Variants in PKN2 observed in about 807,000 individuals in gnomAD.
PKN2 encodes protein kinase N2.
PKN2 carries 38 observed loss-of-function variants against 119.1 expected under a neutral mutation model. The observed-to-expected ratio is 0.32, with a 90% CI of 0.25 to 0.42. PKN2 has a LOEUF of 0.42. Ranked by LOEUF, PKN2 falls within the 10% of genes least tolerant of loss-of-function variation. The pLI is 1.00. For synonymous variants in PKN2, 390 were observed against 384.9 expected, an observed-to-expected ratio of 1.01 and a Z score of -0.15; for missense variants, 850 against 1,165.1, an observed-to-expected ratio of 0.73 and a Z score of 3.94.
At position 88,763,429 on chromosome 1, in the gene PKN2, G is replaced by T. The variant is rs558909191; in HGVS notation, c.504+3053G>T. Among the ~76,000 whole-genome samples the T allele has an allele frequency of 2.8e-4, 43 of 152,170 alleles. No homozygotes were observed. The South Asian group carries it at 8.7e-3, about 31-fold the overall frequency. On this transcript the variant is annotated intron_variant, in intron 3 of 21. Transcript: ENST00000370521. ...TAGAGACCAGCCTGACCAACATGGA[G>T]AAATCCTGTCTCTACTAAAAATACA...
At chr1:88,754,389 A>G (rs905356465) in intron 2 of PKN2, among the ~76,000 whole-genome samples, 6 of 152,204 alleles carry the variant, frequency 3.9e-5, no homozygotes, top group African/African-American at 1.4e-4. Context: ...TTATAGTCGC[A>G]GAGGAAAAAC....
chr1:88,717,581 A>C (rs958161923), intron 1 of PKN2, among the ~76,000 whole-genome samples: 1 of 151,718 alleles, frequency 6.6e-6, no homozygotes, highest in East Asian at 1.9e-4. Flanking sequence ...TGCTTGATCG[A>C]ATCGGCTACT....
At chr1:88,688,380 C>T (rs1046032379) in intron 1 of PKN2, among the ~76,000 whole-genome samples, 1 of 152,100 alleles carries the variant, frequency 6.6e-6, no homozygotes, top group African/African-American at 2.4e-5. Flanking sequence ...CCACCATGCC[C>T]GGCGCCACTA....
chr1:88,798,306 T>C (rs1053985390), intron 8 of PKN2, among the ~76,000 whole-genome samples: 5 of 151,750 alleles, frequency 3.3e-5, no homozygotes, highest in Non-Finnish European at 7.4e-5. Flanking sequence ...ATGATTATAG[T>C]ATTTAAAGAA....
At chr1:88,829,259 G>A (rs186906656) in intron 19 of PKN2, 11 of 678,974 alleles carry the variant, frequency 1.6e-5, no homozygotes, top group African/African-American at 3.5e-5. Context: ...AGGTCAATTT[G>A]CTGAGAATGA....
At chr1:88,757,761 G>A (rs1669263734) in intron 2 of PKN2, among the ~76,000 whole-genome samples, 1 of 152,086 alleles carries the variant, frequency 6.6e-6, no homozygotes, top group South Asian at 2.1e-4. Context: ...TGTTCCAACA[G>A]GCTGGGCGTG....
chr1:88,695,076 G>A (rs535919724), intron 1 of PKN2, among the ~76,000 whole-genome samples: 433 of 151,720 alleles, frequency 2.9e-3, no homozygotes, highest in Non-Finnish European at 4.3e-3. Context: ...GCAGTGAGCC[G>A]AGATTGCGCC....
chr1:88,783,422 ATC>A, intron 6 of PKN2, among the ~76,000 whole-genome samples: 1 of 152,226 alleles, frequency 6.6e-6, no homozygotes, highest in African/African-American at 2.4e-5. Flanking sequence ...TTTGTTTCCC[ATC>A]TCTCAGGGAT....
At chr1:88,804,263 G>C (rs1379661702) in intron 8 of PKN2, 128 bp from the exon 9 acceptor site, 1 of 675,702 alleles carries the variant, frequency 1.5e-6, no homozygotes, top group East Asian at 2.7e-5. Context: ...CTTTAAAACA[G>C]TGTGACCTTT....
At chr1:88,733,721 A>G (rs1668233781) in intron 1 of PKN2, among the ~76,000 whole-genome samples, 1 of 152,216 alleles carries the variant, frequency 6.6e-6, no homozygotes, top group Non-Finnish European at 1.5e-5. Context: ...AATATCCTGT[A>G]TCTGAAATGC....
chr1:88,813,507 C>A, intron 15 of PKN2, 50 bp from the exon 16 acceptor site: 1 of 1,248,536 alleles, frequency 8.0e-7, no homozygotes, highest in Non-Finnish European at 1.1e-6. Flanking sequence ...ATGTTATTTC[C>A]AACTAGAATT....
At chr1:88,826,798 A>T (rs989886452) in intron 18 of PKN2, among the ~76,000 whole-genome samples, 3 of 152,220 alleles carry the variant, frequency 2.0e-5, no homozygotes, top group Admixed American at 1.3e-4. Flanking sequence ...TTACCAGTCT[A>T]CAAGAAACAT....
intron 3 of PKN2, among the ~76,000 whole-genome samples, chr1:88,760,613 A>G (rs929505329): frequency 1.3e-5 from 2 of 152,168 alleles, no homozygotes; most frequent in Non-Finnish European, 2.9e-5. Context: ...ATGGTACACT[A>G]AAAAGTATCC....
chr1:88,787,258 T>C (rs532758624), intron 8 of PKN2, among the ~76,000 whole-genome samples: 1 of 152,130 alleles, frequency 6.6e-6, no homozygotes, highest in Non-Finnish European at 1.5e-5. Context: ...TTTCCTTTCA[T>C]TTCGAGCCTA....
intron 1 of PKN2, among the ~76,000 whole-genome samples, chr1:88,725,190 G>A (rs1667850014): frequency 6.6e-6 from 1 of 152,034 alleles, no homozygotes; most frequent in Non-Finnish European, 1.5e-5. Context: ...GTTACTCTGG[G>A]CATTTTTATA....
chr1:88,771,524 A>G lies in PKN2; in HGVS notation c.726A>G (p.Leu242=). 6.2e-7 allele frequency: 1 copy of G among 1,606,408 alleles called. No individual in the cohort carries two copies. Among genetic ancestry groups the G allele is most frequent in the Non-Finnish European group, 8.5e-7 (1 of 1,177,114 alleles). Residue 242 remains leucine (L), a synonymous_variant, in exon 5 of 22, where the codon TTA becomes TTG. Transcript: ENST00000370521. ...VAEGAKNVMK[L]LGSGKVTDRK... is the part of the protein sequence containing the mutation. ...AAGGTGCAAAGAATGTAATGAAATT[A>G]CTTGGCTCAGGAAAAGTAACAGACA...
intron 17 of PKN2, 52 bp from the exon 18 acceptor site, chr1:88,824,258 A>G (rs1672410028): frequency 3.3e-6 from 3 of 901,558 alleles, no homozygotes; most frequent in South Asian, 1.4e-5. Context: ...TGTATAACCT[A>G]CTGATTTCTT....
At chr1:88,750,054 G>C (rs1211499399) in intron 2 of PKN2, among the ~76,000 whole-genome samples, 1 of 152,130 alleles carries the variant, frequency 6.6e-6, no homozygotes, top group Non-Finnish European at 1.5e-5. Context: ...AACCTGTCGA[G>C]ACCTTGGTTT....
chr1:88,825,740 ATTGC>A (rs1487821433), intron 18 of PKN2, among the ~76,000 whole-genome samples: 1 of 152,168 alleles, frequency 6.6e-6, no homozygotes, highest in East Asian at 1.9e-4. Context: ...TAATTGCTGA[ATTGC>A]TTAAGGAGTC....
Sources: allele counts gnomAD v4.1 joint callset (sites outside exome capture counted in the v4.1 genomes callset), GRCh38; gene constraint gnomAD v4.1.1; transcripts MANE v1.5; gene names NCBI Gene and HGNC (gene_info 2026-07-23, HGNC 2026-07-21).